Variants in TUSC3 observed in about 807,000 individuals in gnomAD.
TUSC3 encodes the protein dolichyl-diphosphooligosaccharide--protein glycosyltransferase subunit TUSC3.
Under a neutral mutation model 44.8 loss-of-function variants are expected in TUSC3, and 45 were observed. The observed-to-expected ratio is 1.00, with a 90% CI of 0.79 to 1.29. TUSC3 has a LOEUF of 1.29. Ranked by LOEUF, TUSC3 falls within the 50% of genes most tolerant of loss-of-function variation. The probability of loss-of-function intolerance (pLI) is 0.00; values close to 1 mark genes in which losing one functional copy is unlikely to be tolerated. For missense variants in TUSC3, 519 were observed against 437.9 expected (o/e 1.19, Z -1.65); for synonymous variants, 212 against 152.9 (o/e 1.39, Z -2.85).
rs1047165307 is a variant in TUSC3 at position 15,762,220 on chromosome 8, A to T, written c.*47-1983A>T. 2.6e-5 allele frequency among the ~76,000 whole-genome samples: 4 copies of T among 152,124 alleles called. No homozygotes were observed. The South Asian group carries it at 8.3e-4, about 32-fold the overall frequency. ...AACAAATAAAGAAATTTTTATAACT[A>T]TTTAAAATGAAAATGATAGTTTTGA... On this transcript the variant is annotated intron_variant, in intron 10 of 10. Transcript: ENST00000503731.
intron 6 of TUSC3, among the ~76,000 whole-genome samples, chr8:15,698,719 C>G (rs1299756820): frequency 2.0e-5 from 3 of 152,078 alleles, no homozygotes; most frequent in Non-Finnish European, 4.4e-5. Flanking sequence ...ATGTTTTTTA[C>G]ATATTTGACT....
chr8:15,444,678 C>T (rs948245405), intron 1 of TUSC3, among the ~76,000 whole-genome samples: 1 of 152,116 alleles, frequency 6.6e-6, no homozygotes, highest in African/African-American at 2.4e-5. Context: ...CAGAGGCTGA[C>T]TAGAATTTGG....
chr8:15,544,896 G>C (rs1299417979), intron 1 of TUSC3, among the ~76,000 whole-genome samples: 1 of 151,848 alleles, frequency 6.6e-6, no homozygotes, highest in Admixed American at 6.6e-5. Flanking sequence ...AAAGCTGCTT[G>C]TCAGGAATGC....
chr8:15,659,792 A>T, intron 4 of TUSC3, 145 bp downstream of exon 4: 2 of 1,055,280 alleles, frequency 1.9e-6, no homozygotes, highest in South Asian at 2.7e-5. Context: ...ACTGCAAATG[A>T]TAAGTTGGAC....
chr8:15,847,734 A>G, the TUSC3 span, among the ~76,000 whole-genome samples: 386 of 152,286 alleles, frequency 2.5e-3, 1 homozygote, highest in African/African-American at 8.4e-3. Context: ...TATACAAATT[A>G]TGGATCTCAA....
intron 6 of TUSC3, among the ~76,000 whole-genome samples, chr8:15,692,525 C>G (rs563863477): frequency 1.3e-5 from 2 of 151,448 alleles, no homozygotes; most frequent in South Asian, 4.2e-4. Flanking sequence ...AATTTCAAAA[C>G]TTATTATTGG....
chr8:15,475,815 A>C (rs1800567581), intron 1 of TUSC3, among the ~76,000 whole-genome samples: 1 of 152,156 alleles, frequency 6.6e-6, no homozygotes, highest in African/African-American at 2.4e-5. Flanking sequence ...GGATGTAGGC[A>C]CTCTGAAAGT....
intron 2 of TUSC3, among the ~76,000 whole-genome samples, chr8:15,533,897 G>T (rs759350572): frequency 1.3e-5 from 2 of 152,146 alleles, no homozygotes; most frequent in African/African-American, 4.8e-5. Context: ...TCAGGGAGGG[G>T]TTTATCTCAT....
intron 7 of TUSC3, among the ~76,000 whole-genome samples, chr8:15,731,194 G>A (rs1810708190): frequency 6.6e-6 from 1 of 152,068 alleles, no homozygotes; most frequent in African/African-American, 2.4e-5. Flanking sequence ...CAGACTAAGT[G>A]TTGTGAATCA....
chr8:15,833,771 G>A, the TUSC3 span, among the ~76,000 whole-genome samples: 1 of 151,356 alleles, frequency 6.6e-6, no homozygotes, highest in Non-Finnish European at 1.5e-5. Flanking sequence ...AAAACAATCT[G>A]TACAACAAAC....
chr8:15,659,442 G>T, intron 3 of TUSC3, 65 bp from the exon 4 acceptor site: 2 of 1,571,618 alleles, frequency 1.3e-6, no homozygotes, highest in South Asian at 1.1e-5. Context: ...TACAGAAAAA[G>T]TGTAAAATAT....
chr8:15,525,417 T>G (rs573948186), intron 2 of TUSC3, among the ~76,000 whole-genome samples: 3 of 152,334 alleles, frequency 2.0e-5, no homozygotes, highest in Admixed American at 6.5e-5. Flanking sequence ...CAAGCTTGTT[T>G]TAAATAAAAA....
At chr8:15,747,492 G>T (rs913046046) in intron 8 of TUSC3, among the ~76,000 whole-genome samples, 1 of 151,512 alleles carries the variant, frequency 6.6e-6, no homozygotes, top group African/African-American at 2.4e-5. Context: ...TACTTTAATT[G>T]GCTCAGATTA....
chr8:15,790,948 G>C, the TUSC3 span, among the ~76,000 whole-genome samples: 1 of 152,078 alleles, frequency 6.6e-6, no homozygotes, highest in Non-Finnish European at 1.5e-5. Context: ...TTTTAAGCAG[G>C]AGAGAGGCAT....
the TUSC3 span, among the ~76,000 whole-genome samples, chr8:15,846,048 G>C: frequency 6.6e-6 from 1 of 152,102 alleles, no homozygotes; most frequent in African/African-American, 2.4e-5. Context: ...GATCTCGTGA[G>C]ACTTATTCAC....
intron 2 of TUSC3, among the ~76,000 whole-genome samples, chr8:15,506,086 G>A (rs62502468): frequency 5.5e-4 from 84 of 152,268 alleles, no homozygotes; most frequent in Non-Finnish European, 9.3e-4. Context: ...CTGCCTTGAC[G>A]GGAGACTATT....
At chr8:15,599,139 A>G (rs1418525959) in intron 1 of TUSC3, among the ~76,000 whole-genome samples, 1 of 151,816 alleles carries the variant, frequency 6.6e-6, no homozygotes, top group East Asian at 1.9e-4. Flanking sequence ...GGTCATTCTA[A>G]TAGGTTTATA....
At chr8:15,738,246 C>T (rs1018967427) in intron 7 of TUSC3, among the ~76,000 whole-genome samples, 10 of 152,078 alleles carry the variant, frequency 6.6e-5, no homozygotes, top group African/African-American at 2.4e-4. Context: ...TCTAGTAATC[C>T]CTTTGCTTTA....
chr8:15,793,806 A>G, the TUSC3 span, among the ~76,000 whole-genome samples: 1 of 152,198 alleles, frequency 6.6e-6, no homozygotes, highest in African/African-American at 2.4e-5. Flanking sequence ...TAACTGCTGA[A>G]TGAACTGAAT....
Sources: allele counts gnomAD v4.1 joint callset (sites outside exome capture counted in the v4.1 genomes callset), GRCh38; gene constraint gnomAD v4.1.1; transcripts MANE v1.5; gene names NCBI Gene and HGNC (gene_info 2026-07-23, HGNC 2026-07-21).